The following BICD1 variants were observed in gnomAD, a reference collection of about 807,000 sequenced individuals.
BICD1 encodes the protein protein bicaudal D homolog 1.
Under a neutral mutation model 92.5 loss-of-function variants are expected in BICD1, and 35 were observed. The ratio of observed to expected loss-of-function variants is 0.38; its 90% CI spans 0.29 to 0.50. The LOEUF (loss-of-function observed/expected upper bound fraction) is 0.50. BICD1 is among the 20% of genes least tolerant of loss of function. The pLI, the probability that BICD1 is intolerant of heterozygous loss-of-function variation, is 0.93. For synonymous variants in BICD1, 429 were observed against 465.1 expected, an observed-to-expected ratio of 0.92 and a Z score of 1.00; for missense variants, 950 against 1,189.8, an observed-to-expected ratio of 0.80 and a Z score of 2.97.
intron 7 of BICD1, 183 bp from the exon 8 acceptor site, chr12:32,338,603 A>T: frequency 1.9e-6 from 1 of 525,806 alleles, no homozygotes; most frequent in South Asian, 3.0e-5. Context: ...TATCCAGAAC[A>T]GTTTCCAAAT....
intron 1 of BICD1, among the ~76,000 whole-genome samples, chr12:32,111,217 A>G (rs945794660): frequency 1.3e-5 from 2 of 152,222 alleles, no homozygotes; most frequent in African/African-American, 4.8e-5. Context: ...CCTGACACCA[A>G]GGATAGTTAC....
chr12:32,283,979 A>G (rs1947488158), intron 2 of BICD1, among the ~76,000 whole-genome samples: 1 of 152,248 alleles, frequency 6.6e-6, no homozygotes, highest in South Asian at 2.1e-4. Context: ...CACTTGGGCT[A>G]AAGTGGGTCT....
intron 1 of BICD1, among the ~76,000 whole-genome samples, chr12:32,159,590 G>A (rs1227651948): frequency 1.3e-5 from 2 of 152,132 alleles, no homozygotes; most frequent in Non-Finnish European, 2.9e-5. Flanking sequence ...CCAAAGGAAC[G>A]TTCTGGCGAG....
At chr12:32,270,953 C>T (rs1161593022) in intron 2 of BICD1, among the ~76,000 whole-genome samples, 1 of 152,136 alleles carries the variant, frequency 6.6e-6, no homozygotes, top group Non-Finnish European at 1.5e-5. Context: ...CAAGGAACAA[C>T]ATAGAGAGCA....
At chr12:32,154,598 C>T (rs974636937) in intron 1 of BICD1, among the ~76,000 whole-genome samples, 2 of 152,172 alleles carry the variant, frequency 1.3e-5, no homozygotes, top group Non-Finnish European at 2.9e-5. Context: ...AAAATTCTTC[C>T]TTAACTTGCC....
chr12:32,196,781 C>CA (rs1182328007), intron 1 of BICD1, among the ~76,000 whole-genome samples: 4 of 152,160 alleles, frequency 2.6e-5, no homozygotes, highest in Non-Finnish European at 5.9e-5. Context: ...GTCAGCACTG[C>CA]AACCACACAC....
intron 8 of BICD1, among the ~76,000 whole-genome samples, chr12:32,344,482 G>A (rs1938495285): frequency 6.6e-6 from 1 of 152,188 alleles, no homozygotes; most frequent in Non-Finnish European, 1.5e-5. Flanking sequence ...ATGACAAGGT[G>A]GAGAGTGGAT....
intron 1 of BICD1, among the ~76,000 whole-genome samples, chr12:32,157,360 AG>A (rs1437509365): frequency 3.9e-5 from 6 of 152,208 alleles, no homozygotes; most frequent in Non-Finnish European, 8.8e-5. Flanking sequence ...ACAAATGCCA[AG>A]GAGTTTACCC....
At chr12:32,204,163 A>C (rs1470611578) in intron 1 of BICD1, among the ~76,000 whole-genome samples, 1 of 126,598 alleles carries the variant, frequency 7.9e-6, no homozygotes, top group Non-Finnish European at 1.6e-5. Context: ...AGCCTGGGCA[A>C]CATGGTGAAA....
chr12:32,294,708 C>T (rs1446129421), intron 3 of BICD1, among the ~76,000 whole-genome samples: 1 of 151,464 alleles, frequency 6.6e-6, no homozygotes. Flanking sequence ...TCTCTCACTC[C>T]CTTAAAATTT....
intron 4 of BICD1, among the ~76,000 whole-genome samples, chr12:32,314,315 G>T (rs985504437): frequency 6.6e-6 from 1 of 152,170 alleles, no homozygotes; most frequent in African/African-American, 2.4e-5. Flanking sequence ...GGGTCATATG[G>T]TAATTCTATG....
At chr12:32,275,604 G>A (rs1947252298) in intron 2 of BICD1, among the ~76,000 whole-genome samples, 1 of 151,974 alleles carries the variant, frequency 6.6e-6, no homozygotes, top group Non-Finnish European at 1.5e-5. Context: ...CACTCTTCTG[G>A]TCCATGTTTG....
Position 32,337,838 on chromosome 12 carries a change from T to A in BICD1, c.2570+22T>A. On this transcript the variant is annotated intron_variant, in intron 7 of 9. Coordinates refer to ENST00000652176, the MANE Select transcript of BICD1 (RefSeq NM_001714.4). The surrounding 1 kb of genome is among the most constrained non-coding windows in gnomAD (Gnocchi z 4.7). ...AAAGGTATGCATGCAGCGATCTTCA[T>A]AGTACGGTGCAGTGGCCAGATTTTA... 1 of 1,611,390 alleles carries A rather than the reference T, an allele frequency of 6.2e-7. No individual in the cohort carries two copies. Among genetic ancestry groups the A allele is most frequent in the Non-Finnish European group, 8.5e-7 (1 of 1,177,660 alleles).
At position 32,233,563 on chromosome 12, in the gene BICD1, C is replaced by A. The variant is rs180935940; in HGVS notation, c.426+17104C>A. Among the ~76,000 whole-genome samples the A allele has an allele frequency of 1.7e-3, 261 of 151,474 alleles. 2 individuals carry two copies. Among genetic ancestry groups the A allele is most frequent in the African/African-American group, 6.0e-3 (248 of 41,282 alleles). On this transcript the variant is annotated intron_variant, in intron 2 of 9. Coordinates refer to ENST00000652176, the MANE Select transcript of BICD1 (RefSeq NM_001714.4). ...CCTTCCTTCCTTCCTTCCCTCCCTCCCTCCCCTTTCCTATCTTCTGAGTAG... is the reference window on the plus strand; with the variant it reads ...CCTTCCTTCCTTCCTTCCCTCCCTCACTCCCCTTTCCTATCTTCTGAGTAG...
At chr12:32,226,537 A>G (rs182867416) in intron 2 of BICD1, among the ~76,000 whole-genome samples, 92 of 152,336 alleles carry the variant, frequency 6.0e-4, no homozygotes, top group African/African-American at 2.0e-3. Context: ...GGAAAAAATG[A>G]GAGCAAATTT....
At chr12:32,271,189 G>A (rs1449634470) in intron 2 of BICD1, among the ~76,000 whole-genome samples, 3 of 152,234 alleles carry the variant, frequency 2.0e-5, no homozygotes, top group African/African-American at 7.2e-5. Context: ...CCCTGAATTA[G>A]TGTCCTTTCT....
intron 1 of BICD1, among the ~76,000 whole-genome samples, chr12:32,174,146 T>G (rs1944028419): frequency 6.6e-6 from 1 of 152,196 alleles, no homozygotes; most frequent in Non-Finnish European, 1.5e-5. Flanking sequence ...TAGCTTTCCC[T>G]TCTGTACTCT....
chr12:32,169,544 G>A (rs1943873352), intron 1 of BICD1, among the ~76,000 whole-genome samples: 1 of 151,576 alleles, frequency 6.6e-6, no homozygotes, highest in Admixed American at 6.6e-5. Context: ...CTCTCAAAGT[G>A]TTGGGATTAC....
chr12:32,121,840 G>T (rs1242347027), intron 1 of BICD1, among the ~76,000 whole-genome samples: 2 of 147,844 alleles, frequency 1.4e-5, no homozygotes, highest in Admixed American at 6.7e-5. Flanking sequence ...TTGAGACAGG[G>T]TCTCACTCTC....
Sources: allele counts gnomAD v4.1 joint callset (sites outside exome capture counted in the v4.1 genomes callset), GRCh38; gene constraint gnomAD v4.1.1; non-coding constraint Gnocchi (gnomAD v3.1); transcripts MANE v1.5; gene names NCBI Gene and HGNC (gene_info 2026-07-23, HGNC 2026-07-21).